The following TMEM132D variants were observed in gnomAD, a reference collection of about 807,000 sequenced individuals.
TMEM132D encodes mature OL transmembrane protein.
Under a neutral mutation model 62.3 loss-of-function variants are expected in TMEM132D, and 21 were observed. The ratio of observed to expected loss-of-function variants is 0.34; its 90% CI spans 0.24 to 0.49. The LOEUF is 0.49. TMEM132D is among the 20% of genes least tolerant of loss of function. The pLI is 0.99. For synonymous variants in TMEM132D, 621 were observed against 575.6 expected, an observed-to-expected ratio of 1.08 and a Z score of -1.13; for missense variants, 1,346 against 1,402.8, an observed-to-expected ratio of 0.96 and a Z score of 0.65.
chr12:129,232,361 C>G (rs1879665461), intron 4 of TMEM132D, among the ~76,000 whole-genome samples: 1 of 152,180 alleles, frequency 6.6e-6, no homozygotes, highest in Non-Finnish European at 1.5e-5. Flanking sequence ...AACATGTTTT[C>G]TGCTTGATGC....
At chr12:129,631,465 A>G (rs1879342464) in intron 2 of TMEM132D, among the ~76,000 whole-genome samples, 1 of 152,222 alleles carries the variant, frequency 6.6e-6, no homozygotes, top group African/African-American at 2.4e-5. Context: ...ACGAATCCAG[A>G]CCTGACTCGA....
At chr12:129,404,640 C>A (rs767289122) in intron 3 of TMEM132D, among the ~76,000 whole-genome samples, 2 of 152,118 alleles carry the variant, frequency 1.3e-5, no homozygotes, top group Non-Finnish European at 2.9e-5. Context: ...AGCCATCACA[C>A]GGTGAGAGTG....
chr12:129,609,497 C>T (rs756537642), intron 2 of TMEM132D, among the ~76,000 whole-genome samples: 5 of 152,116 alleles, frequency 3.3e-5, no homozygotes, highest in East Asian at 1.9e-4. Context: ...CTGACAATGA[C>T]GCAATGCCTG....
chr12:129,300,342 T>A (rs1183942821), intron 4 of TMEM132D, among the ~76,000 whole-genome samples: 1 of 152,148 alleles, frequency 6.6e-6, no homozygotes, highest in African/African-American at 2.4e-5. Flanking sequence ...CATCAATCTA[T>A]TGAGATAAAA....
intron 5 of TMEM132D, among the ~76,000 whole-genome samples, chr12:129,178,618 T>C (rs1436129759): frequency 6.6e-6 from 1 of 152,170 alleles, no homozygotes; most frequent in African/African-American, 2.4e-5. Context: ...ATAGGCCTTC[T>C]TAGGGTGATA....
At chr12:129,887,781 T>G (rs1391077746) in intron 1 of TMEM132D, among the ~76,000 whole-genome samples, 1 of 152,214 alleles carries the variant, frequency 6.6e-6, no homozygotes, top group Admixed American at 6.5e-5. Context: ...TCAGCATATC[T>G]AGGAAATCAT....
intron 3 of TMEM132D, among the ~76,000 whole-genome samples, chr12:129,472,320 AAACT>A (rs1214461746): frequency 6.6e-6 from 1 of 152,220 alleles, no homozygotes; most frequent in East Asian, 1.9e-4. Context: ...CATCCTCAGC[AAACT>A]AACACAGGAA....
chr12:129,353,000 C>A (rs368224176), intron 3 of TMEM132D, among the ~76,000 whole-genome samples: 1 of 152,284 alleles, frequency 6.6e-6, no homozygotes, highest in South Asian at 2.1e-4. Flanking sequence ...GCCCTGAATT[C>A]TTTCTTGTGC....
At chr12:129,486,831 C>A (rs1874594184) in intron 3 of TMEM132D, among the ~76,000 whole-genome samples, 2 of 58,710 alleles carry the variant, frequency 3.4e-5, no homozygotes, top group African/African-American at 1.5e-4. Context: ...CATGGGGGCA[C>A]CTAGCTATGT....
At position 129,566,658 on chromosome 12, in the gene TMEM132D, G is replaced by A. The variant is rs187695938; in HGVS notation, c.969-35453C>T. Reference sequence around the variant, plus strand: ...ATGGCCCTGCAAAGCTGTCTCTGGTGGGGAAAATCTACATTCTGTAGAGAA... The same window carrying A: ...ATGGCCCTGCAAAGCTGTCTCTGGTAGGGAAAATCTACATTCTGTAGAGAA... On this transcript the variant is annotated intron_variant, in intron 2 of 8. Transcript: ENST00000422113. 2.3e-3 allele frequency among the ~76,000 whole-genome samples: 349 copies of A among 152,264 alleles called. 2 individuals are homozygous for A. The highest frequency in any genetic ancestry group is 3.2e-3 in the Non-Finnish European group (219 of 68,028).
At chr12:129,192,890 G>T (rs1878443774) in intron 5 of TMEM132D, among the ~76,000 whole-genome samples, 8 of 152,140 alleles carry the variant, frequency 5.3e-5, no homozygotes. Flanking sequence ...TATATAACAG[G>T]CCAGGCGCGG....
intron 4 of TMEM132D, among the ~76,000 whole-genome samples, chr12:129,327,036 A>G (rs1868938148): frequency 6.6e-6 from 1 of 152,146 alleles, no homozygotes; most frequent in South Asian, 2.1e-4. Flanking sequence ...TGACAACCCA[A>G]ACATCATAAC....
chr12:129,585,831 G>T (rs1414624111), intron 2 of TMEM132D, among the ~76,000 whole-genome samples: 2 of 151,416 alleles, frequency 1.3e-5, no homozygotes. Context: ...GTGTGTGTGT[G>T]TGTGTGTGTC....
At chr12:129,791,602 G>A (rs1346267996) in intron 1 of TMEM132D, among the ~76,000 whole-genome samples, 2 of 151,894 alleles carry the variant, frequency 1.3e-5, no homozygotes, top group Non-Finnish European at 2.9e-5. Context: ...ATTTAGATTC[G>A]CTTCGCCCTC....
At chr12:129,288,191 A>G (rs1881357981) in intron 4 of TMEM132D, among the ~76,000 whole-genome samples, 3 of 152,232 alleles carry the variant, frequency 2.0e-5, no homozygotes, top group Admixed American at 1.3e-4. Flanking sequence ...GTGATTTCAT[A>G]AATATGACAC....
chr12:129,218,598 CG>C (rs2135572271), intron 4 of TMEM132D, among the ~76,000 whole-genome samples: 1 of 152,162 alleles, frequency 6.6e-6, no homozygotes, highest in Non-Finnish European at 1.5e-5. Context: ...CATTGTTGAC[CG>C]AAATGTTGGT....
intron 2 of TMEM132D, among the ~76,000 whole-genome samples, chr12:129,630,004 G>A (rs769382474): frequency 6.6e-6 from 1 of 152,220 alleles, no homozygotes; most frequent in South Asian, 2.1e-4. Context: ...GCAGGAAGTT[G>A]ATTCATATCT....
intron 2 of TMEM132D, among the ~76,000 whole-genome samples, chr12:129,662,004 C>T (rs946477439): frequency 6.6e-6 from 1 of 152,132 alleles, no homozygotes; most frequent in Non-Finnish European, 1.5e-5. Context: ...TGTGGTACAG[C>T]TCAGAAGTGT....
intron 3 of TMEM132D, among the ~76,000 whole-genome samples, chr12:129,357,876 T>C (rs951180192): frequency 3.3e-5 from 5 of 152,220 alleles, no homozygotes; most frequent in South Asian, 4.1e-4. Flanking sequence ...TCCTCTCCCA[T>C]TCCCGCCTTG....
Sources: allele counts gnomAD v4.1 joint callset (sites outside exome capture counted in the v4.1 genomes callset), GRCh38; gene constraint gnomAD v4.1.1; transcripts MANE v1.5; gene names NCBI Gene and HGNC (gene_info 2026-07-23, HGNC 2026-07-21).